CDK5RAP1: variants seen among roughly 807,000 people sequenced by gnomAD.
CDK5RAP1 encodes the protein CDK5RAP1 mitochondrial tRNA methylthiotransferase.
In CDK5RAP1, 62 loss-of-function variants were observed where a neutral mutation model predicts 64.5. The observed-to-expected ratio is 0.96, with a 90% CI of 0.78 to 1.19. CDK5RAP1 has a LOEUF of 1.19. Ranked by LOEUF, CDK5RAP1 falls within the 50% of genes most tolerant of loss-of-function variation. The probability of loss-of-function intolerance (pLI) is 0.00; values close to 1 mark genes in which losing one functional copy is unlikely to be tolerated. For missense variants in CDK5RAP1, 657 were observed against 735.0 expected (o/e 0.89, Z 1.23); for synonymous variants, 250 against 261.9 (o/e 0.95, Z 0.44).
At chr20:33,386,002 C>T (rs1310181583) in intron 6 of CDK5RAP1, among the ~76,000 whole-genome samples, 4 of 152,194 alleles carry the variant, frequency 2.6e-5, no homozygotes, top group African/African-American at 9.6e-5. Context: ...CAATGACTAG[C>T]CTGAGGAAGC....
intron 8 of CDK5RAP1, among the ~76,000 whole-genome samples, chr20:33,378,827 G>A (rs1414897595): frequency 2.6e-5 from 4 of 151,792 alleles, no homozygotes; most frequent in Non-Finnish European, 4.4e-5. Context: ...CACCATTACC[G>A]CCCCACCACC....
intron 11 of CDK5RAP1, 45 bp from the exon 12 acceptor site, chr20:33,367,053 C>T (rs772634368): frequency 6.4e-7 from 1 of 1,561,768 alleles, no homozygotes. Context: ...TCACCAAGGA[C>T]TTGTAGAATC....
At chr20:33,386,416 C>T (rs999483018) in intron 6 of CDK5RAP1, among the ~76,000 whole-genome samples, 8 of 152,084 alleles carry the variant, frequency 5.3e-5, no homozygotes, top group African/African-American at 1.9e-4. Flanking sequence ...TTTGTACCTA[C>T]TGTTTTTATG....
intron 3 of CDK5RAP1, among the ~76,000 whole-genome samples, chr20:33,394,618 A>T (rs1232638941): frequency 6.6e-6 from 1 of 151,944 alleles, no homozygotes; most frequent in Non-Finnish European, 1.5e-5. Flanking sequence ...AAGTCCTGGG[A>T]TTACAGGCAT....
chr20:33,378,829 CCCA>C (rs1425201067), intron 8 of CDK5RAP1, among the ~76,000 whole-genome samples: 13 of 152,128 alleles, frequency 8.5e-5, no homozygotes, highest in Admixed American at 4.6e-4. Flanking sequence ...CCATTACCGC[CCCA>C]CCACCATTAT....
chr20:33,374,754 A>T (rs1321210878), intron 8 of CDK5RAP1, among the ~76,000 whole-genome samples: 4 of 151,482 alleles, frequency 2.6e-5, no homozygotes, highest in African/African-American at 9.7e-5. Context: ...AGTAGAGATG[A>T]TGTTGCCCAG....
chr20:33,360,040 ACT>A (rs1422169069), intron 13 of CDK5RAP1: 2 of 282,768 alleles, frequency 7.1e-6, no homozygotes, highest in South Asian at 1.2e-4. Flanking sequence ...AACAGGGAAC[ACT>A]CTCTACTCAC....
In CDK5RAP1 at chr20:33,367,109, T is replaced by G. The variant is rs1984131198; in HGVS notation, c.1393-101A>C. On this transcript the variant is annotated intron_variant, in intron 11 of 13. Transcript: ENST00000346416. ...CGACCATGTTCATTCTACCTACAAG[T>G]AACAGACACATGTACAGAAACCCAA... 3.4e-6 allele frequency: 4 copies of G among 1,170,990 alleles called. No homozygotes were observed. The East Asian group carries it at 9.7e-5, about 28-fold the overall frequency. 72.5% of individuals were successfully genotyped at this position (1,170,990 alleles called of 1,614,324 possible).
chr20:33,384,955 A>G (rs1049757983), intron 7 of CDK5RAP1, among the ~76,000 whole-genome samples: 6 of 152,144 alleles, frequency 3.9e-5, no homozygotes, highest in African/African-American at 1.4e-4. Context: ...GCCCTCTCCC[A>G]TGATTCCTGA....
intron 4 of CDK5RAP1, among the ~76,000 whole-genome samples, chr20:33,392,684 G>T (rs1328634477): frequency 6.6e-6 from 1 of 151,942 alleles, no homozygotes; most frequent in Non-Finnish European, 1.5e-5. Flanking sequence ...TTCCTAAAAT[G>T]ACATCCTTCC....
intron 9 of CDK5RAP1, chr20:33,373,320 G>T (rs1258909066): frequency 6.6e-6 from 1 of 152,084 alleles, no homozygotes; most frequent in African/African-American, 2.4e-5. Context: ...TTGCCCAGGT[G>T]TGTGTGTGTG....
chr20:33,381,595 T>C (rs1986756390), intron 7 of CDK5RAP1, among the ~76,000 whole-genome samples: 1 of 152,110 alleles, frequency 6.6e-6, no homozygotes, highest in South Asian at 2.1e-4. Flanking sequence ...CCAGGCTAAC[T>C]TTTTGTATTT....
At chr20:33,366,646 A>G (rs1411588773) in intron 12 of CDK5RAP1, among the ~76,000 whole-genome samples, 1 of 152,156 alleles carries the variant, frequency 6.6e-6, no homozygotes, top group Non-Finnish European at 1.5e-5. Flanking sequence ...TGTAAATCTA[A>G]CAAAACATGG....
At chr20:33,385,098 C>T (rs1319695134) in intron 7 of CDK5RAP1, among the ~76,000 whole-genome samples, 3 of 152,136 alleles carry the variant, frequency 2.0e-5, no homozygotes, top group Admixed American at 2.0e-4. Flanking sequence ...AAGCTGAGGA[C>T]CAGCTCCCAG....
chr20:33,388,867 T>C (rs1487788336), intron 5 of CDK5RAP1, among the ~76,000 whole-genome samples: 1 of 152,078 alleles, frequency 6.6e-6, no homozygotes, highest in Non-Finnish European at 1.5e-5. Context: ...CCGGGAGTGA[T>C]CTGCCAGCCT....
intron 1 of CDK5RAP1, among the ~76,000 whole-genome samples, chr20:33,397,852 T>C (rs1209544149): frequency 6.6e-6 from 1 of 152,036 alleles, no homozygotes; most frequent in East Asian, 1.9e-4. Flanking sequence ...GTTAGCCAGA[T>C]GTGGTAGCAA....
chr20:33,374,307 T>C (rs145928528), intron 8 of CDK5RAP1, 95 bp from the exon 9 acceptor site: 21 of 767,072 alleles, frequency 2.7e-5, no homozygotes, highest in Non-Finnish European at 4.0e-5. Context: ...CCAAGGTCAA[T>C]TTTCACATAA....
In CDK5RAP1 at chr20:33,359,046, G is replaced by C. The variant is rs146671297; in HGVS notation, c.1761C>G (p.Cys587Trp). ...RTTLRDSSAY[C>W] ...GCTCTGAGGCCATCCTCTCAGGTCAGCAATATGCAGAAGAGTCCCTCAGAG... is the reference window on the plus strand; with the variant it reads ...GCTCTGAGGCCATCCTCTCAGGTCACCAATATGCAGAAGAGTCCCTCAGAG... The change falls in exon 14 of 14, where the codon TGC becomes TGG. Residue 587 changes from cysteine to tryptophan, a missense_variant. Cys to Trp is a radical substitution (Grantham distance 215, BLOSUM62 -2). Coordinates refer to ENST00000346416, the MANE Select transcript of CDK5RAP1 (RefSeq NM_016408.4). The C allele has an allele frequency of 4.2e-5, 67 of 1,610,330 alleles. No homozygotes were observed. Among genetic ancestry groups the C allele is most frequent in the Admixed American group, 1.3e-4 (8 of 59,986 alleles).
intron 7 of CDK5RAP1, among the ~76,000 whole-genome samples, chr20:33,382,303 T>C (rs778630254): frequency 2.6e-5 from 4 of 152,100 alleles, no homozygotes; most frequent in African/African-American, 7.2e-5. Context: ...TAAGGAACAA[T>C]TGGGGAACTC....
Sources: gnomAD v4.1 joint callset for allele counts (sites outside exome capture counted in the v4.1 genomes callset) on GRCh38, gnomAD v4.1.1 for gene constraint, MANE v1.5 for transcripts, NCBI Gene and HGNC (gene_info 2026-07-23, HGNC 2026-07-21) for gene names.